HOXA11: variants seen among roughly 807,000 people sequenced by gnomAD.
HOXA11 encodes homeobox protein Hox-A11.
HOXA11 carries 8 observed loss-of-function variants against 22.5 expected under a neutral mutation model. The observed-to-expected ratio is 0.36, with a 90% CI of 0.21 to 0.64. HOXA11 has a LOEUF of 0.64. Ranked by LOEUF, HOXA11 falls within the 30% of genes least tolerant of loss-of-function variation. The pLI is 0.67. For missense variants in HOXA11, 388 were observed against 429.0 expected (o/e 0.90, Z 0.84); for synonymous variants, 211 against 188.4 (o/e 1.12, Z -0.98).
intron 1 of HOXA11, among the ~76,000 whole-genome samples, chr7:27,183,647 C>T (rs1289916379): frequency 6.6e-6 from 1 of 151,524 alleles, no homozygotes; most frequent in Admixed American, 6.6e-5. Context: ...CACGGCCACA[C>T]GGCCATCCTG....
Position 27,181,419 on chromosome 7 carries a change from G to A in HOXA11, c.*1377C>T, listed in dbSNP as rs1287740826. ...TCCAAATGTTGCAAGAGATTAAAAAGACCATTCTCAATACCTTTTCCACCC... is the reference window on the plus strand; with the variant it reads ...TCCAAATGTTGCAAGAGATTAAAAAAACCATTCTCAATACCTTTTCCACCC... On this transcript the variant is annotated 3_prime_UTR_variant, in exon 2 of 2. Coordinates refer to ENST00000006015, the MANE Select transcript of HOXA11 (RefSeq NM_005523.6). 2 of 193,934 alleles carry A rather than the reference G, an allele frequency of 1.0e-5. No homozygotes were observed. Among genetic ancestry groups the A allele is most frequent in the Admixed American group, 6.4e-5 (1 of 15,540 alleles). The allele number at this position is 193,934 out of a possible 1,614,324, so 12.0% of individuals were successfully genotyped here. A position where few individuals can be genotyped will look rare whatever the true frequency, so the allele number is the denominator to read the frequency against.
Position 27,184,445 on chromosome 7 carries a change from C to T in HOXA11, c.700G>A (p.Gly234Ser), listed in dbSNP as rs780202730. The T allele has an allele frequency of 6.4e-7, 1 of 1,572,342 alleles. No individual in the cohort carries two copies. The highest frequency in any genetic ancestry group is 1.2e-5 in the South Asian group (1 of 85,916). ...CTGCCTTTATACGTACTGGAGCCGCCGGCCTTGTCCTCAGTGTGGCCGGAA... is the reference window on the plus strand; with the variant it reads ...CTGCCTTTATACGTACTGGAGCCGCTGGCCTTGTCCTCAGTGTGGCCGGAA... ...SSSGHTEDKA[G>S]GSSGQRTRKK... The change falls in exon 1 of 2, where the codon GGC becomes AGC. Residue 234 changes from glycine to serine, a missense_variant. Physicochemically the swap from Gly to Ser is moderately conservative, Grantham distance 56. This residue lies in a region of HOXA11 where 295 missense variants were observed against 281.1 expected (regional missense o/e 1.05). Coordinates refer to ENST00000006015, the MANE Select transcript of HOXA11 (RefSeq NM_005523.6).
At position 27,182,926 on chromosome 7, in the gene HOXA11, C is replaced by T; in HGVS notation, c.812G>A (p.Arg271His). 6.2e-7 allele frequency: 1 copy of T among 1,613,938 alleles called. No homozygotes were observed. The highest frequency in any genetic ancestry group is 8.5e-7 in the Non-Finnish European group (1 of 1,179,838). Residue 271 changes from arginine to histidine, a missense_variant, in exon 2 of 2, where the codon CGC (arginine) becomes CAC (histidine). Arg to His is a conservative substitution (Grantham distance 29). This residue lies in a region of HOXA11 where 55 missense variants were observed against 90.8 expected (regional missense o/e 0.61). Transcript: ENST00000006015. ...FFSVYINKEK[R>H]LQLSRMLNLT... Reference sequence around the variant, plus strand: ...GTTGAGCATGCGGGACAGTTGCAGGCGCTTCTCTTTGTTAATGTAGACGCT... The same window carrying T: ...GTTGAGCATGCGGGACAGTTGCAGGTGCTTCTCTTTGTTAATGTAGACGCT...
At chr7:27,183,740 C>T (rs1330793340) in intron 1 of HOXA11, among the ~76,000 whole-genome samples, 1 of 121,310 alleles carries the variant, frequency 8.2e-6, no homozygotes, top group Non-Finnish European at 1.7e-5. Context: ...TCTACTTGCT[C>T]CCCCTTTAAA....
In HOXA11 at chr7:27,184,228, C is replaced by T. The variant is rs10256695; in HGVS notation, c.709+208G>A. On this transcript the variant is annotated intron_variant, in intron 1 of 1. Transcript: ENST00000006015. ...AAGGGGAGTTGTTTTTTTTTGCAGG[C>T]ATGCCTTGGCCGGTGGGTATTTCAC... 5.0e-3 allele frequency among the ~76,000 whole-genome samples: 763 copies of T among 152,030 alleles called. 8 individuals carry two copies. Among genetic ancestry groups the T allele is most frequent in the African/African-American group, 0.017 (706 of 41,516 alleles).
rs1783825406 is a variant in HOXA11, at chr7:27,184,518, C to T, written c.627G>A (p.Glu209=). The T allele has an allele frequency of 1.3e-6, 2 of 1,526,406 alleles. No individual in the cohort carries two copies. The highest frequency in any genetic ancestry group is 2.0e-5 in the Admixed American group (1 of 49,088). The allele number at this position is 1,526,406 out of a possible 1,614,324, so 94.6% of individuals were successfully genotyped here. A position where few individuals can be genotyped will look rare whatever the true frequency, so the allele number is the denominator to read the frequency against. Residue 209 remains glutamate, a synonymous_variant, in exon 1 of 2, where the codon GAG becomes GAA. Transcript: ENST00000006015. ...TCTCGGGGCGCCGCCGCCGCTCTTT[C>T]TCCTCTGCTGCCGCCGCCGTCTCCC... The part of the protein sequence containing the change: ...GCRETAAAAE[E]KERRRRPESS...
rs1265219429 is a variant in HOXA11, at chr7:27,184,462, T to C, written c.683A>G (p.His228Arg). 6.4e-7 allele frequency: 1 copy of C among 1,563,432 alleles called. No individual in the cohort carries two copies. The highest frequency in any genetic ancestry group is 8.7e-7 in the Non-Finnish European group (1 of 1,154,640). ...GGAGCCGCCGGCCTTGTCCTCAGTG[T>C]GGCCGGAAGACGACTCGGGGCTGCT... is the stretch of plus-strand genomic sequence containing the variant. ...SSSSPESSSG[H>R]TEDKAGGSSG... The change falls in exon 1 of 2, where the codon CAC becomes CGC. Residue 228 changes from histidine (H) to arginine (R), a missense_variant. By Grantham distance (29) the His-to-Arg change is conservative (BLOSUM62 0). Transcript: ENST00000006015.
chr7:27,183,536 A>C (rs1001749900), intron 1 of HOXA11, among the ~76,000 whole-genome samples: 1 of 152,180 alleles, frequency 6.6e-6, no homozygotes, highest in African/African-American at 2.4e-5. Flanking sequence ...TGTCAGCCTG[A>C]GTCCTGGCCA....
At position 27,184,787 on chromosome 7, in the gene HOXA11, G is replaced by A. The variant is rs1419350265; in HGVS notation, c.358C>T (p.Pro120Ser). 1 of 1,613,836 alleles carries A rather than the reference G, an allele frequency of 6.2e-7. No homozygotes were observed. The highest frequency in any genetic ancestry group is 2.2e-5 in the East Asian group (1 of 44,882). Residue 120 changes from proline to serine, a missense_variant, in exon 1 of 2, where the codon CCC becomes TCC. Around this residue, in one of 4 missense-constraint regions of HOXA11, gnomAD observed 295 missense variants for 281.1 expected, o/e 1.05. Coordinates refer to ENST00000006015, the MANE Select transcript of HOXA11 (RefSeq NM_005523.6). ...SSANVYHHPT[P>S]AVSSNFYSTV... ...CTATAGAAATTGGACGAGACTGCGG[G>A]GGTGGGGTGGTGGTAGACGTTGGCC...
At position 27,184,822 on chromosome 7, in the gene HOXA11, G is replaced by T. The variant is rs752764603; in HGVS notation, c.323C>A (p.Ala108Asp). The T allele has an allele frequency of 6.2e-7, 1 of 1,613,592 alleles. No individual in the cohort carries two copies. Reference protein sequence around the residue: ...SAAGVPGDVLAKSSANVYHHP... With the variant: ...SAAGVPGDVLDKSSANVYHHP... ...GTGGTAGACGTTGGCCGAGCTCTTG[G>T]CCAGCACGTCGCCAGGCACGCCGGC... The change falls in exon 1 of 2, where the codon GCC becomes GAC. Residue 108 changes from alanine to aspartate, a missense_variant. Transcript: ENST00000006015.
chr7:27,184,975 A>T lies in HOXA11; in HGVS notation c.170T>A (p.Val57Glu). 1 of 1,613,906 alleles carries T rather than the reference A, an allele frequency of 6.2e-7. No individual in the cohort carries two copies. Among genetic ancestry groups the T allele is most frequent in the Non-Finnish European group, 8.5e-7 (1 of 1,179,880 alleles). Residue 57 changes from valine (V) to glutamate (E), a missense_variant, in exon 1 of 2, where the codon GTG becomes GAG. This residue lies in a region of HOXA11 where 295 missense variants were observed against 281.1 expected (regional missense o/e 1.05). Transcript: ENST00000006015. ...YSSNLPQVQPVREVTFREYAI... is the reference protein window; with the variant it reads ...YSSNLPQVQPEREVTFREYAI... ...GTACTCTCTGAAGGTCACTTCGCGC[A>T]CGGGTTGGACCTGGGGCAGGTTGGA...
Position 27,182,095 on chromosome 7 carries a change from C to G in HOXA11, c.*701G>C. 2 of 236,316 alleles carry G rather than the reference C, an allele frequency of 8.5e-6. No homozygotes were observed. Among genetic ancestry groups the G allele is most frequent in the South Asian group, 1.7e-4 (1 of 5,784 alleles). The allele number at this position is 236,316 out of a possible 1,614,324, so 14.6% of individuals were successfully genotyped here. On this transcript the variant is annotated 3_prime_UTR_variant, in exon 2 of 2. Transcript: ENST00000006015. ...CGAGGCTTTGGGCCTGAGTGGCAGG[C>G]TGGAACCAAGACCCTCATTTGGTAG...
At position 27,185,060 on chromosome 7, in the gene HOXA11, T is replaced by G; in HGVS notation, c.85A>C (p.Ser29Arg). 1 of 1,614,106 alleles carries G rather than the reference T, an allele frequency of 6.2e-7. No individual in the cohort carries two copies. Among genetic ancestry groups the G allele is most frequent in the Non-Finnish European group, 8.5e-7 (1 of 1,180,030 alleles). The change falls in exon 1 of 2, where the codon AGC (serine) becomes CGC (arginine). Residue 29 changes from serine (S) to arginine (R), a missense_variant. Ser to Arg is a moderately radical substitution (Grantham distance 110, BLOSUM62 -1). This residue lies in a region of HOXA11 where 12 missense variants were observed against 30.6 expected (regional missense o/e 0.39). Coordinates refer to ENST00000006015, the MANE Select transcript of HOXA11 (RefSeq NM_005523.6). The part of the protein sequence containing the change: ...TYYVSGPDFS[S>R]LPSFLPQTPS... ...GTCTGGGGCAGAAAAGAAGGGAGGC[T>G]GGAGAAATCTGGACCCGAGACGTAG...
rs1295923045 is a variant in HOXA11, at chr7:27,185,223, C to T, written c.-79G>A. 4.4e-6 allele frequency: 7 copies of T among 1,599,732 alleles called. No individual in the cohort carries two copies. The East Asian group carries it at 6.7e-5, about 15-fold the overall frequency. On this transcript the variant is annotated 5_prime_UTR_variant, in exon 1 of 2. Coordinates refer to ENST00000006015, the MANE Select transcript of HOXA11 (RefSeq NM_005523.6). ...TGCAGCTGCCTCTTTGAAGCGGATC[C>T]GTGAAGTAGAAATTTGGAGACGTAA...
rs1458529107 is a variant in HOXA11 at position 27,184,908 on chromosome 7, C to A, written c.237G>T (p.Leu79=). Residue 79 remains leucine (L), a synonymous_variant, in exon 1 of 2, where the codon CTG becomes CTT. Transcript: ENST00000006015. ...GCTCCTCCGCGGAGTAGCAGTGGGC[C>A]AGATTGCCGCGGGGGTGCCATTTAG... ...PATKWHPRGN[L]AHCYSAEELV... is the part of the protein sequence containing the mutation. 1 of 1,614,056 alleles carries A rather than the reference C, an allele frequency of 6.2e-7. No individual in the cohort carries two copies. The highest frequency in any genetic ancestry group is 8.5e-7 in the Non-Finnish European group (1 of 1,179,962).
Position 27,181,170 on chromosome 7 carries a change from G to A in HOXA11, c.*1626C>T, listed in dbSNP as rs941684279. Among the ~76,000 whole-genome samples, 2 of 130,414 alleles carry A rather than the reference G, an allele frequency of 1.5e-5. No individual in the cohort carries two copies. The highest frequency in any genetic ancestry group is 2.2e-4 in the South Asian group (1 of 4,498). 85.6% of individuals were successfully genotyped at this position (130,414 alleles called of 152,430 possible). On this transcript the variant is annotated 3_prime_UTR_variant, in exon 2 of 2. Transcript: ENST00000006015. The stretch of plus-strand genomic sequence containing the variant: ...ACACCAGGATACTCAAATTTCCACC[G>A]TCTTTATTTTCCTTGTGCCCAGTTG...
chr7:27,183,360 C>T, intron 1 of HOXA11, among the ~76,000 whole-genome samples: 1 of 152,260 alleles, frequency 6.6e-6, no homozygotes, highest in East Asian at 1.9e-4. Context: ...GGGTTGCCGG[C>T]TGCCTCTCGC....
chr7:27,182,127 A>G lies in HOXA11; in HGVS notation c.*669T>C, dbSNP rs1379760116. The G allele has an allele frequency of 4.2e-6, 1 of 236,756 alleles. No individual in the cohort carries two copies. The highest frequency in any genetic ancestry group is 8.3e-6 in the Non-Finnish European group (1 of 120,182). The allele number at this position is 236,756 out of a possible 1,614,324, so 14.7% of individuals were successfully genotyped here. On this transcript the variant is annotated 3_prime_UTR_variant, in exon 2 of 2. Transcript: ENST00000006015. The stretch of plus-strand genomic sequence containing the variant: ...CAAGACCCTCATTTGGTAGAAAGAA[A>G]AGCCAGGTGGGCTGTAGGAGGCGGT...
At position 27,181,510 on chromosome 7, in the gene HOXA11, G is replaced by A. The variant is rs969201787; in HGVS notation, c.*1286C>T. The A allele has an allele frequency of 5.1e-6, 1 of 195,656 alleles. No homozygotes were observed. Among genetic ancestry groups the A allele is most frequent in the African/African-American group, 2.3e-5 (1 of 43,194 alleles). The allele number at this position is 195,656 out of a possible 1,614,324, so 12.1% of individuals were successfully genotyped here. A position where few individuals can be genotyped will look rare whatever the true frequency, so the allele number is the denominator to read the frequency against. On this transcript the variant is annotated 3_prime_UTR_variant, in exon 2 of 2. Transcript: ENST00000006015. Reference sequence around the variant, plus strand: ...AAAAGAAAAAGAGAAAGAAAGAAAAGAAAATTGATTATGGTTCCTTTATTT... The same window carrying A: ...AAAAGAAAAAGAGAAAGAAAGAAAAAAAAATTGATTATGGTTCCTTTATTT...
Sources: allele counts gnomAD v4.1 joint callset (sites outside exome capture counted in the v4.1 genomes callset), GRCh38; gene constraint gnomAD v4.1.1; regional missense constraint gnomAD v4.1.1; transcripts MANE v1.5; gene names NCBI Gene and HGNC (gene_info 2026-07-23, HGNC 2026-07-21).